TSPAN7: variants seen among roughly 807,000 people sequenced by gnomAD.
The protein encoded by TSPAN7 is tetraspanin 7, also known as tetraspanin-7.
Under a neutral mutation model 17.6 loss-of-function variants are expected in TSPAN7, and 1 was observed. The ratio of observed to expected loss-of-function variants is 0.06; its 90% confidence interval spans 0.02 to 0.27. The LOEUF (loss-of-function observed/expected upper bound fraction) is 0.27. TSPAN7 is among the 10% of genes least tolerant of loss of function. TSPAN7 has a pLI of 1.00. For synonymous variants in TSPAN7, 78 were observed against 79.0 expected (o/e 0.99, Z 0.07); for missense variants, 112 against 201.7 (o/e 0.56, Z 2.69).
intron 1 of TSPAN7, among the ~76,000 whole-genome samples, chrX:38,572,005 A>T (rs769055167): frequency 9.4e-6 from 1 of 106,933 alleles, no homozygotes; most frequent in Non-Finnish European, 1.9e-5. Context: ...CCTTAGGGGG[A>T]ATCTATTTTT....
intron 1 of TSPAN7, among the ~76,000 whole-genome samples, chrX:38,658,427 G>T (rs1452514463): frequency 9.1e-6 from 1 of 109,713 alleles, no homozygotes; most frequent in Non-Finnish European, 1.9e-5. Flanking sequence ...TGATCCTCCC[G>T]CCTTGGCCTC....
At chrX:38,671,751 A>G (rs2069821988) in intron 3 of TSPAN7, among the ~76,000 whole-genome samples, 1 of 111,881 alleles carries the variant, frequency 8.9e-6, no homozygotes, top group South Asian at 3.8e-4. Context: ...CCTTAAAAAT[A>G]GCTGCTTCAG....
At chrX:38,629,944 A>G (rs2069540681) in intron 1 of TSPAN7, among the ~76,000 whole-genome samples, 1 of 111,918 alleles carries the variant, frequency 8.9e-6, no homozygotes, top group African/African-American at 3.2e-5. Flanking sequence ...GGGCTCTAAA[A>G]TTGGCCTAAT....
chrX:38,603,260 G>A (rs1401614079), intron 1 of TSPAN7, among the ~76,000 whole-genome samples: 1 of 111,919 alleles, frequency 8.9e-6, no homozygotes, highest in Non-Finnish European at 1.9e-5. Context: ...TAAAAAAGAA[G>A]TGTTGGCAAG....
intron 6 of TSPAN7, among the ~76,000 whole-genome samples, chrX:38,682,451 C>T (rs1052263885): frequency 1.8e-5 from 2 of 112,148 alleles, no homozygotes; most frequent in African/African-American, 3.2e-5. Flanking sequence ...GTGTAACCCT[C>T]GCTAAGATTA....
chrX:38,675,008 G>T (rs2069843970), intron 4 of TSPAN7, among the ~76,000 whole-genome samples: 1 of 112,372 alleles, frequency 8.9e-6, no homozygotes, highest in Non-Finnish European at 1.9e-5. Context: ...ACAAGGAACT[G>T]TATACTCAGA....
At chrX:38,609,013 G>A (rs995753308) in intron 1 of TSPAN7, among the ~76,000 whole-genome samples, 3 of 110,765 alleles carry the variant, frequency 2.7e-5, no homozygotes, top group African/African-American at 1.0e-4. Flanking sequence ...TTTTTCACAT[G>A]AGTGTCCATT....
At chrX:38,671,535 A>G in intron 3 of TSPAN7, 85 bp downstream of exon 3, 2 of 914,532 alleles carry the variant, frequency 2.2e-6, no homozygotes, top group Non-Finnish European at 3.2e-6. Context: ...TAAAGGGTGC[A>G]TATAGGCTAG....
At chrX:38,663,166 C>T (rs2069758805) in intron 1 of TSPAN7, among the ~76,000 whole-genome samples, 1 of 107,508 alleles carries the variant, frequency 9.3e-6, no homozygotes, top group Non-Finnish European at 1.9e-5. Flanking sequence ...CACACACACA[C>T]ACACACACAC....
chrX:38,586,069 T>G (rs1436571053), intron 1 of TSPAN7, among the ~76,000 whole-genome samples: 1 of 112,866 alleles, frequency 8.9e-6, no homozygotes, highest in Admixed American at 9.3e-5. Context: ...ACTGATCTTG[T>G]TTCTTTGCTT....
At chrX:38,612,053 A>G (rs2069421982) in intron 1 of TSPAN7, among the ~76,000 whole-genome samples, 1 of 112,079 alleles carries the variant, frequency 8.9e-6, no homozygotes, top group South Asian at 3.7e-4. Flanking sequence ...AAAGAGAGAC[A>G]TTGGTTTTGT....
Position 38,568,058 on chromosome X carries a change from T to A in TSPAN7, c.81+6431T>A, listed in dbSNP as rs1048616537. Among the ~76,000 whole-genome samples the A allele has an allele frequency of 2.7e-5, 3 of 112,041 alleles. No homozygotes were observed. The Admixed American group carries it at 2.8e-4, about 11-fold the overall frequency. On this transcript the variant is annotated intron_variant, in intron 1 of 7. Transcript: ENST00000378482. ...TCACTCCTAATTTATCCCTGTACTT[T>A]CCCCAAGATCTGTTTCTTCACTCAG...
intron 6 of TSPAN7, among the ~76,000 whole-genome samples, chrX:38,681,654 C>A (rs2069892798): frequency 9.0e-6 from 1 of 111,605 alleles, no homozygotes; most frequent in Admixed American, 9.6e-5. Context: ...ATTGACCTAA[C>A]CCTTTTTTGC....
chrX:38,640,418 A>G (rs190288444), intron 1 of TSPAN7, among the ~76,000 whole-genome samples: 63 of 112,274 alleles, frequency 5.6e-4, no homozygotes, highest in Admixed American at 1.0e-3. Flanking sequence ...ACTGAGGCTC[A>G]GTGAGATTGT....
intron 1 of TSPAN7, among the ~76,000 whole-genome samples, chrX:38,609,620 A>G (rs1407752326): frequency 9.3e-6 from 1 of 107,585 alleles, no homozygotes; most frequent in African/African-American, 3.4e-5. Flanking sequence ...GTGTATATAC[A>G]TGTGTGTGTG....
At chrX:38,624,404 T>C (rs373477367) in intron 1 of TSPAN7, among the ~76,000 whole-genome samples, 4 of 112,390 alleles carry the variant, frequency 3.6e-5, no homozygotes, top group East Asian at 2.8e-4. Flanking sequence ...AAAGGTACTA[T>C]GCAAGGACAA....
intron 1 of TSPAN7, among the ~76,000 whole-genome samples, chrX:38,654,054 AG>A (rs1217436513): frequency 8.9e-6 from 1 of 111,914 alleles, no homozygotes; most frequent in African/African-American, 3.3e-5. Context: ...CTTATGGAAG[AG>A]TTAGGAGTAA....
intron 6 of TSPAN7, among the ~76,000 whole-genome samples, chrX:38,683,925 G>A (rs747641196): frequency 1.0e-3 from 113 of 112,830 alleles, no homozygotes; most frequent in African/African-American, 3.5e-3. Context: ...CAGTTGTGTT[G>A]GCCTATGCCT....
chrX:38,563,146 A>G (rs764483637), intron 1 of TSPAN7: 1 of 961,021 alleles, frequency 1.0e-6, no homozygotes, highest in South Asian at 2.1e-5. Context: ...GAAGGTATGG[A>G]CTCCCCAGAC....
Sources: allele counts gnomAD v4.1 joint callset (sites outside exome capture counted in the v4.1 genomes callset), GRCh38; gene constraint gnomAD v4.1.1; transcripts MANE v1.5; gene names NCBI Gene and HGNC (gene_info 2026-07-23, HGNC 2026-07-21).